The following MARCHF3 variants were observed in gnomAD, a reference collection of about 807,000 sequenced individuals.
MARCHF3 encodes the protein membrane associated ring-CH-type finger 3, also known as E3 ubiquitin-protein ligase MARCHF3.
In MARCHF3, 13 loss-of-function variants were observed where a neutral mutation model predicts 24.2. The observed-to-expected ratio is 0.54, with a 90% CI of 0.35 to 0.85. The LOEUF (loss-of-function observed/expected upper bound fraction) is 0.85, where lower values mean the gene tolerates loss of function less well. MARCHF3 is among the 40% of genes least tolerant of loss of function. The probability of loss-of-function intolerance (pLI) is 0.01; values close to 1 mark genes in which losing one functional copy is unlikely to be tolerated. For synonymous variants in MARCHF3, 144 were observed against 137.3 expected (o/e 1.05, Z -0.34); for missense variants, 276 against 325.0 (o/e 0.85, Z 1.16).
Position 126,892,944 on chromosome 5 carries a change from T to C in MARCHF3, c.394-14550A>G, listed in dbSNP as rs192091127. Among the ~76,000 whole-genome samples, 529 of 151,912 alleles carry C rather than the reference T, an allele frequency of 3.5e-3. 3 individuals are homozygous for C. The highest frequency in any genetic ancestry group is 0.012 in the African/African-American group (511 of 41,416). On this transcript the variant is annotated intron_variant, in intron 3 of 4. Coordinates refer to ENST00000308660, the MANE Select transcript of MARCHF3 (RefSeq NM_178450.5). ...TGGACTCTTTTTCGTTGGTAAGCTATTGATTATTGCCACAATTTCAGATCC... is the reference window on the plus strand; with the variant it reads ...TGGACTCTTTTTCGTTGGTAAGCTACTGATTATTGCCACAATTTCAGATCC...
In MARCHF3 at chr5:126,875,679, A is replaced by AG. The variant is rs144698552; in HGVS notation, c.603+2505dup. On this transcript the variant is annotated intron_variant, in intron 4 of 4. Coordinates refer to ENST00000308660, the MANE Select transcript of MARCHF3 (RefSeq NM_178450.5). ...ACAGCACGTTTTTCACACCAGTCAA[A>AG]GGGGGAGAGATGCCTTCTTTCCCTC... 9.8e-4 allele frequency among the ~76,000 whole-genome samples: 149 copies of AG among 152,260 alleles called. 2 individuals are homozygous for AG. In the East Asian group the frequency reaches 0.028, roughly 29 times the overall value.
chr5:126,966,139 T>A (rs887965367), intron 1 of MARCHF3, among the ~76,000 whole-genome samples: 2 of 152,150 alleles, frequency 1.3e-5, no homozygotes, highest in African/African-American at 4.8e-5. Context: ...GCAAAATTAA[T>A]CAATAGTGAC....
intron 1 of MARCHF3, among the ~76,000 whole-genome samples, chr5:127,019,957 G>A (rs1330050881): frequency 2.6e-5 from 4 of 152,174 alleles, no homozygotes; most frequent in Non-Finnish European, 5.9e-5. Context: ...CAAGAATCCT[G>A]GGATAGGAGA....
chr5:126,917,524 C>G (rs568619991), intron 2 of MARCHF3, among the ~76,000 whole-genome samples: 1 of 152,316 alleles, frequency 6.6e-6, no homozygotes, highest in East Asian at 1.9e-4. Flanking sequence ...GAAAGTAGCC[C>G]TGGACAGCGC....
At chr5:126,989,307 GTACTACTAC>G (rs147682825) in intron 1 of MARCHF3, among the ~76,000 whole-genome samples, 2 of 149,306 alleles carry the variant, frequency 1.3e-5, no homozygotes, top group African/African-American at 2.5e-5. Flanking sequence ...ACTACTACTA[GTACTACTAC>G]TACTACTACT....
At chr5:127,027,471 C>T (rs1753038222) in intron 1 of MARCHF3, among the ~76,000 whole-genome samples, 1 of 152,170 alleles carries the variant, frequency 6.6e-6, no homozygotes, top group Non-Finnish European at 1.5e-5. Context: ...AGGAAATGCT[C>T]AACCATGTGA....
rs1294826143 is a variant in MARCHF3 at position 127,004,770 on chromosome 5, GC to G, written c.-57+25579del. 2.6e-5 allele frequency among the ~76,000 whole-genome samples: 4 copies of G among 152,096 alleles called. No homozygotes were observed. The East Asian group carries it at 5.8e-4, about 22-fold the overall frequency. ...CTTAGTACATGAAGGAAACAGAGCT[GC>G]AAAACCCCAGTGAAGAGTGCCTTCA... On this transcript the variant is annotated intron_variant, in intron 1 of 4. Transcript: ENST00000308660.
intron 1 of MARCHF3, among the ~76,000 whole-genome samples, chr5:127,015,013 GA>G (rs1226712626): frequency 2.8e-4 from 42 of 152,280 alleles, no homozygotes; most frequent in African/African-American, 9.4e-4. Flanking sequence ...AAATGTTTGA[GA>G]TGATAGATAT....
intron 1 of MARCHF3, among the ~76,000 whole-genome samples, chr5:126,996,908 T>A (rs560108473): frequency 6.6e-6 from 1 of 152,320 alleles, no homozygotes; most frequent in South Asian, 2.1e-4. Flanking sequence ...TATGTTCGCA[T>A]ATATATACAA....
chr5:126,974,922 T>C (rs1370200239), intron 1 of MARCHF3, among the ~76,000 whole-genome samples: 1 of 152,220 alleles, frequency 6.6e-6, no homozygotes, highest in African/African-American at 2.4e-5. Flanking sequence ...CATTCTGAAA[T>C]CTATATTTAA....
intron 1 of MARCHF3, among the ~76,000 whole-genome samples, chr5:127,001,357 G>A (rs76862521): frequency 0.02 from 3,102 of 152,210 alleles, 75 homozygotes; most frequent in South Asian, 0.12. Flanking sequence ...GGGTCAGAAA[G>A]GTTCTTATTT....
chr5:126,975,458 A>C (rs1230134009), intron 1 of MARCHF3, among the ~76,000 whole-genome samples: 1 of 152,228 alleles, frequency 6.6e-6, no homozygotes, highest in Non-Finnish European at 1.5e-5. Flanking sequence ...CACCACCTCA[A>C]ACATTAATCA....
chr5:127,023,798 G>A (rs1752903591), intron 1 of MARCHF3, among the ~76,000 whole-genome samples: 2 of 151,384 alleles, frequency 1.3e-5, no homozygotes, highest in South Asian at 4.2e-4. Flanking sequence ...AATAAAAAAA[G>A]GTTCCCTCAA....
chr5:126,992,047 C>T (rs931169695), intron 1 of MARCHF3, among the ~76,000 whole-genome samples: 2 of 152,116 alleles, frequency 1.3e-5, no homozygotes, highest in Non-Finnish European at 2.9e-5. Flanking sequence ...TAAAAGAGAA[C>T]GGCATCCTGT....
chr5:126,918,304 T>C, intron 1 of MARCHF3, 77 bp from the exon 2 acceptor site: 1 of 840,736 alleles, frequency 1.2e-6, no homozygotes, highest in Non-Finnish European at 1.8e-6. Flanking sequence ...ACCAACATCA[T>C]CATCATGTCA....
At chr5:126,946,652 T>C (rs1440766099) in intron 1 of MARCHF3, among the ~76,000 whole-genome samples, 1 of 152,046 alleles carries the variant, frequency 6.6e-6, no homozygotes, top group African/African-American at 2.4e-5. Flanking sequence ...GGATGCTCCT[T>C]GGGCCAGGTA....
intron 1 of MARCHF3, among the ~76,000 whole-genome samples, chr5:127,012,160 G>A (rs923289794): frequency 6.6e-6 from 1 of 152,166 alleles, no homozygotes; most frequent in Non-Finnish European, 1.5e-5. Flanking sequence ...GGCTTTTGAT[G>A]CTCACACATG....
chr5:126,926,705 C>T (rs1749308510), intron 1 of MARCHF3, among the ~76,000 whole-genome samples: 1 of 151,876 alleles, frequency 6.6e-6, no homozygotes, highest in South Asian at 2.1e-4. Flanking sequence ...GTCAGGGAGT[C>T]CTGGCTTTGA....
At chr5:126,898,834 C>G in intron 3 of MARCHF3, 5 of 972,196 alleles carry the variant, frequency 5.1e-6, no homozygotes, top group Non-Finnish European at 6.1e-6. Flanking sequence ...AATAGCATCG[C>G]TAGAGGTGAA....
Sources: allele counts gnomAD v4.1 joint callset (sites outside exome capture counted in the v4.1 genomes callset), GRCh38; gene constraint gnomAD v4.1.1; transcripts MANE v1.5; gene names NCBI Gene and HGNC (gene_info 2026-07-23, HGNC 2026-07-21).